KANK1: variants seen among roughly 807,000 people sequenced by gnomAD.
KANK1 encodes KN motif and ankyrin repeat domains 1, also known as KN motif and ankyrin repeat domain-containing protein 1.
In KANK1, 109 loss-of-function variants were observed where a neutral mutation model predicts 106.2. That is an observed-to-expected ratio of 1.03 (90% confidence interval 0.88 to 1.20). KANK1 has a LOEUF of 1.20. Ranked by LOEUF, KANK1 falls within the 50% of genes most tolerant of loss-of-function variation. KANK1 has a pLI of 0.00. For missense variants in KANK1, 2,399 were observed against 1,710.7 expected, an observed-to-expected ratio of 1.40 and a Z score of -7.10; for synonymous variants, 873 against 652.2, an observed-to-expected ratio of 1.34 and a Z score of -5.16.
intron 1 of KANK1, among the ~76,000 whole-genome samples, chr9:518,059 TC>T (rs1158781291): frequency 1.3e-5 from 2 of 151,584 alleles, no homozygotes; most frequent in Non-Finnish European, 2.9e-5. Context: ...TTCTTAGCCA[TC>T]CCCAAATGAT....
At chr9:642,638 G>T (rs945714112) in intron 1 of KANK1, among the ~76,000 whole-genome samples, 1 of 150,848 alleles carries the variant, frequency 6.6e-6, no homozygotes, top group Non-Finnish European at 1.5e-5. Flanking sequence ...CCTCCTTTGA[G>T]TGGGAGAAAA....
At chr9:677,196 G>T (rs933108225) in intron 2 of KANK1, among the ~76,000 whole-genome samples, 187 bp downstream of exon 2, 4 of 152,168 alleles carry the variant, frequency 2.6e-5, no homozygotes, top group Non-Finnish European at 5.9e-5. Context: ...TTATCTTAGA[G>T]TCTTGCACTG....
At chr9:716,560 C>A (rs1178767196) in intron 3 of KANK1, among the ~76,000 whole-genome samples, 3 of 152,134 alleles carry the variant, frequency 2.0e-5, no homozygotes, top group African/African-American at 7.2e-5. Context: ...AATGTTCAGT[C>A]CAGAGTCATT....
chr9:688,303 G>A (rs1017771699), intron 2 of KANK1, among the ~76,000 whole-genome samples: 1 of 152,156 alleles, frequency 6.6e-6, no homozygotes, highest in Non-Finnish European at 1.5e-5. Context: ...TTGCTCTAAG[G>A]CAGGCTTAAG....
intron 2 of KANK1, among the ~76,000 whole-genome samples, chr9:700,290 C>A (rs1233035330): frequency 6.6e-6 from 1 of 152,182 alleles, no homozygotes; most frequent in East Asian, 1.9e-4. Flanking sequence ...ATTGTGTGTT[C>A]TCTAACAAAT....
chr9:712,958 C>T lies in KANK1; in HGVS notation c.2192C>T (p.Thr731Ile). 1 of 1,614,208 alleles carries T rather than the reference C, an allele frequency of 6.2e-7. No homozygotes were observed. Among genetic ancestry groups the T allele is most frequent in the Non-Finnish European group, 8.5e-7 (1 of 1,180,042 alleles). Reference sequence around the variant, plus strand: ...CGTGTCAAGGACATCAACTCCTCCACCAAGACGCGGTCCATTGGTGTTGGA... The same window carrying T: ...CGTGTCAAGGACATCAACTCCTCCATCAAGACGCGGTCCATTGGTGTTGGA... ...EGRVKDINSS[T>I]KTRSIGVGTL... The change falls in exon 3 of 12, where the codon ACC becomes ATC. Residue 731 changes from threonine to isoleucine, a missense_variant. Transcript: ENST00000382297.
upstream of KANK1, among the ~76,000 whole-genome samples, chr9:503,801 TA>T (rs1187298270): frequency 6.6e-6 from 1 of 152,220 alleles, no homozygotes; most frequent in East Asian, 1.9e-4. Flanking sequence ...CAATCCCTAC[TA>T]ATTTCTCATG....
At chr9:587,895 G>T (rs575970523) in intron 1 of KANK1, among the ~76,000 whole-genome samples, 2 of 152,136 alleles carry the variant, frequency 1.3e-5, no homozygotes, top group South Asian at 4.2e-4. Context: ...GCGAAACCCC[G>T]TCTCTAATAA....
chr9:648,175 T>C (rs1303734476), intron 1 of KANK1, among the ~76,000 whole-genome samples: 2 of 144,574 alleles, frequency 1.4e-5, no homozygotes, highest in Non-Finnish European at 2.9e-5. Context: ...GGGTAATTTT[T>C]ATATTTTTAG....
intron 1 of KANK1, among the ~76,000 whole-genome samples, chr9:650,731 G>A (rs1382970674): frequency 6.6e-6 from 1 of 151,634 alleles, no homozygotes; most frequent in African/African-American, 2.4e-5. Context: ...TATTGTCCCC[G>A]GTCTCTTTAC....
intron 2 of KANK1, among the ~76,000 whole-genome samples, chr9:695,675 C>G (rs1304117323): frequency 6.6e-6 from 1 of 152,022 alleles, no homozygotes; most frequent in Non-Finnish European, 1.5e-5. Context: ...GGGTTGTGTT[C>G]TTCTCCAGAC....
Position 707,368 on chromosome 9 carries a change from C to A in KANK1, c.38-3436C>A, listed in dbSNP as rs1332891386. 5 of 412,450 alleles carry A rather than the reference C, an allele frequency of 1.2e-5. 1 individual carries two copies. The highest frequency in any genetic ancestry group is 1.3e-5 in the Non-Finnish European group (4 of 305,842). The allele number at this position is 412,450 out of a possible 1,614,324, so 25.5% of individuals were successfully genotyped here. On this transcript the variant is annotated intron_variant, in intron 2 of 11. Transcript: ENST00000382297. ...GCCGCTTCACTCCACCGCAGGCCTA[C>A]GGGAGTCCAGCTTAGACCCGCCGGC...
At chr9:503,726 C>T (rs1399425730), upstream of KANK1, among the ~76,000 whole-genome samples, 6 of 152,126 alleles carry the variant, frequency 3.9e-5, no homozygotes, top group African/African-American at 1.4e-4. Flanking sequence ...CCCTTCAGTT[C>T]CCAAGCTCCT....
chr9:541,465 T>A (rs1157202884), intron 1 of KANK1, among the ~76,000 whole-genome samples: 1 of 152,164 alleles, frequency 6.6e-6, no homozygotes, highest in Non-Finnish European at 1.5e-5. Flanking sequence ...GGGTAGAGGA[T>A]TTGACTGCAA....
intron 1 of KANK1, chr9:540,794 A>C (rs991715994): frequency 6.6e-6 from 1 of 152,132 alleles, no homozygotes; most frequent in African/African-American, 2.4e-5. Context: ...TAGGTTATCT[A>C]ATTGGTTGGC....
At chr9:722,356 G>GCT (rs1011972725) in intron 3 of KANK1, among the ~76,000 whole-genome samples, 29 of 150,898 alleles carry the variant, frequency 1.9e-4, no homozygotes, top group Admixed American at 6.6e-4. Flanking sequence ...TGCCTCTCTT[G>GCT]CTCTCTCTCT....
chr9:604,894 A>G (rs1028902952), intron 1 of KANK1, among the ~76,000 whole-genome samples: 1 of 151,848 alleles, frequency 6.6e-6, no homozygotes, highest in Non-Finnish European at 1.5e-5. Context: ...AGTCAATTAA[A>G]CCTTTTTTCT....
chr9:579,433 C>CT (rs1459879464), intron 1 of KANK1, among the ~76,000 whole-genome samples: 3 of 152,170 alleles, frequency 2.0e-5, no homozygotes, highest in Non-Finnish European at 4.4e-5. Flanking sequence ...TTGAAGGACT[C>CT]TGTCTCTGTG....
chr9:552,991 A>G (rs2061371607), intron 1 of KANK1, among the ~76,000 whole-genome samples: 1 of 152,150 alleles, frequency 6.6e-6, no homozygotes, highest in African/African-American at 2.4e-5. Flanking sequence ...CAAAAAAATT[A>G]GAAAATTATC....
Sources: gnomAD v4.1 joint callset for allele counts (sites outside exome capture counted in the v4.1 genomes callset) on GRCh38, gnomAD v4.1.1 for gene constraint, MANE v1.5 for transcripts, NCBI Gene and HGNC (gene_info 2026-07-23, HGNC 2026-07-21) for gene names.